The following MACROD2 variants were observed in gnomAD, a reference collection of about 807,000 sequenced individuals.
MACROD2 encodes ADP-ribose glycohydrolase MACROD2.
MACROD2 carries 36 observed loss-of-function variants against 70.4 expected under a neutral mutation model. The observed-to-expected ratio is 0.51, with a 90% confidence interval of 0.39 to 0.68. The LOEUF is 0.68. Among genes scored for constraint, MACROD2 ranks in the 30% least tolerant of loss-of-function variants. The pLI, the probability that MACROD2 is intolerant of heterozygous loss-of-function variation, is 0.00. For synonymous variants in MACROD2, 172 were observed against 178.8 expected (o/e 0.96, Z 0.30); for missense variants, 496 against 538.4 (o/e 0.92, Z 0.78).
chr20:15,829,694 G>T (rs1415801060), intron 8 of MACROD2, among the ~76,000 whole-genome samples: 2 of 152,144 alleles, frequency 1.3e-5, no homozygotes, highest in South Asian at 4.1e-4. Context: ...CATATGAAGT[G>T]CCAGAGACAC....
intron 4 of MACROD2, among the ~76,000 whole-genome samples, chr20:14,535,722 C>A (rs1350369681): frequency 6.6e-6 from 1 of 151,898 alleles, no homozygotes; most frequent in African/African-American, 2.4e-5. Context: ...TTACCAGGAC[C>A]CTCACTTTCC....
intron 5 of MACROD2, among the ~76,000 whole-genome samples, chr20:15,088,397 T>TTATATATATATATATA: frequency 9.0e-6 from 1 of 111,140 alleles, no homozygotes; most frequent in South Asian, 3.8e-4. Flanking sequence ...ATACTATATT[T>TTATATATATATATATA]TATATATATA....
In MACROD2 at chr20:15,312,072, A is replaced by T. The variant is rs112253777; in HGVS notation, c.540+82011A>T. Among the ~76,000 whole-genome samples the T allele has an allele frequency of 9.2e-5, 14 of 152,372 alleles. 2 individuals are homozygous for T. The highest frequency in any genetic ancestry group is 3.4e-4 in the African/African-American group (14 of 41,594). On this transcript the variant is annotated intron_variant, in intron 6 of 17. Transcript: ENST00000684519. ...AAGAGAGATAAAGTGACTACATATA[A>T]ATGAAAAACATGCATCATAGAAAAT...
At chr20:15,292,830 A>AT (rs910476586) in intron 6 of MACROD2, among the ~76,000 whole-genome samples, 1 of 151,886 alleles carries the variant, frequency 6.6e-6, no homozygotes, top group Non-Finnish European at 1.5e-5. Flanking sequence ...ATTCAACTGT[A>AT]TTTTTTTTCA....
intron 5 of MACROD2, among the ~76,000 whole-genome samples, chr20:14,791,855 T>G (rs1324048214): frequency 1.3e-5 from 2 of 151,724 alleles, no homozygotes; most frequent in Non-Finnish European, 2.9e-5. Flanking sequence ...ATAATTATAT[T>G]TTTTACTTGG....
At chr20:14,249,407 G>A (rs554583988) in intron 3 of MACROD2, among the ~76,000 whole-genome samples, 4 of 151,938 alleles carry the variant, frequency 2.6e-5, no homozygotes, top group African/African-American at 9.7e-5. Context: ...ACAAGAAATA[G>A]GAAGGGGCAA....
At chr20:14,238,954 G>A (rs2081903424) in intron 3 of MACROD2, among the ~76,000 whole-genome samples, 1 of 146,208 alleles carries the variant, frequency 6.8e-6, no homozygotes, top group Non-Finnish European at 1.5e-5. Context: ...TTGAACCTGG[G>A]AGGCAGAGGT....
chr20:15,069,932 C>G (rs1348295142), intron 5 of MACROD2, among the ~76,000 whole-genome samples: 1 of 152,190 alleles, frequency 6.6e-6, no homozygotes, highest in Non-Finnish European at 1.5e-5. Context: ...GAAGGGGTTG[C>G]CACCCTCTAG....
intron 3 of MACROD2, chr20:14,324,549 T>C (rs2082704349): frequency 6.6e-6 from 1 of 152,348 alleles, no homozygotes; most frequent in South Asian, 2.1e-4. Flanking sequence ...ATCTCTTATT[T>C]AAAGAACTAC....
chr20:14,908,175 C>T (rs2073982426), intron 5 of MACROD2, among the ~76,000 whole-genome samples: 1 of 151,786 alleles, frequency 6.6e-6, no homozygotes, highest in Admixed American at 6.6e-5. Flanking sequence ...GAAATCTTTT[C>T]TCTACTAACA....
intron 2 of MACROD2, among the ~76,000 whole-genome samples, chr20:14,046,309 T>G (rs1325865256): frequency 6.6e-6 from 1 of 152,146 alleles, no homozygotes; most frequent in Non-Finnish European, 1.5e-5. Context: ...AAAACAAATG[T>G]CATCCTAGGG....
At chr20:15,819,398 AATATTTATAT>A (rs1194058186) in intron 8 of MACROD2, among the ~76,000 whole-genome samples, 2 of 143,960 alleles carry the variant, frequency 1.4e-5, no homozygotes, top group African/African-American at 5.0e-5. Flanking sequence ...ACATATATAA[AATATTTATAT>A]ATATTTATAT....
intron 3 of MACROD2, among the ~76,000 whole-genome samples, chr20:14,159,219 C>T (rs954195473): frequency 3.9e-5 from 6 of 151,952 alleles, no homozygotes; most frequent in Non-Finnish European, 7.4e-5. Context: ...GCCTGGGCAA[C>T]AAGAGTGAAA....
At chr20:14,106,537 C>A (rs1033518408) in intron 3 of MACROD2, among the ~76,000 whole-genome samples, 6 of 152,094 alleles carry the variant, frequency 3.9e-5, no homozygotes, top group African/African-American at 1.4e-4. Flanking sequence ...ATCTGGCTGG[C>A]TTTGCCACCT....
At chr20:14,806,912 C>A (rs764949358) in intron 5 of MACROD2, among the ~76,000 whole-genome samples, 8 of 152,250 alleles carry the variant, frequency 5.3e-5, no homozygotes, top group Non-Finnish European at 7.4e-5. Flanking sequence ...CTGGGCAGGG[C>A]ATCTCTGAAA....
rs140326453 is a variant in MACROD2 at position 15,167,886 on chromosome 20, A to G, written c.419-62054A>G. Among the ~76,000 whole-genome samples, 65 of 152,288 alleles carry G rather than the reference A, an allele frequency of 4.3e-4. 1 individual carries two copies. Among genetic ancestry groups the G allele is most frequent in the Middle Eastern group, 3.4e-3 (1 of 294 alleles). The stretch of plus-strand genomic sequence containing the variant: ...GTTGTATTCTTCTTGAGAGCAGGAC[A>G]TCTTTTTACCTTTGCAGAGACCACA... On this transcript the variant is annotated intron_variant, in intron 5 of 17. Coordinates refer to ENST00000684519, the MANE Select transcript of MACROD2 (RefSeq NM_001351661.2).
chr20:15,212,528 A>G (rs1337131426), intron 5 of MACROD2, among the ~76,000 whole-genome samples: 3 of 152,188 alleles, frequency 2.0e-5, no homozygotes, highest in African/African-American at 7.2e-5. Context: ...AAGGATTTAA[A>G]ATGATAGCTT....
chr20:15,857,008 T>C (rs1007025958), intron 8 of MACROD2, among the ~76,000 whole-genome samples: 4 of 152,196 alleles, frequency 2.6e-5, no homozygotes, highest in African/African-American at 9.7e-5. Flanking sequence ...TCATTGCTCT[T>C]CTCTACATAA....
At chr20:15,671,087 G>A (rs1346057194) in intron 8 of MACROD2, among the ~76,000 whole-genome samples, 2 of 152,202 alleles carry the variant, frequency 1.3e-5, no homozygotes, top group Non-Finnish European at 2.9e-5. Context: ...GCTCTATCAT[G>A]CAATGGTTGT....
Sources: allele counts gnomAD v4.1 joint callset (sites outside exome capture counted in the v4.1 genomes callset), GRCh38; gene constraint gnomAD v4.1.1; transcripts MANE v1.5; gene names NCBI Gene and HGNC (gene_info 2026-07-23, HGNC 2026-07-21).